PGM5: variants seen among roughly 807,000 people sequenced by gnomAD.
PGM5 encodes phosphoglucomutase-like protein 5.
PGM5 carries 23 observed loss-of-function variants against 59.2 expected under a neutral mutation model. That is an observed-to-expected ratio of 0.39 (90% confidence interval 0.28 to 0.55). The LOEUF (loss-of-function observed/expected upper bound fraction) is 0.55, where lower values mean the gene tolerates loss of function less well. PGM5 is among the 20% of genes least tolerant of loss of function. The pLI, the probability that PGM5 is intolerant of heterozygous loss-of-function variation, is 0.66. For synonymous variants in PGM5, 214 were observed against 286.0 expected, an observed-to-expected ratio of 0.75 and a Z score of 2.54; for missense variants, 574 against 748.3, an observed-to-expected ratio of 0.77 and a Z score of 2.72.
chr9:68,482,814 G>A (rs1824219440), intron 8 of PGM5, among the ~76,000 whole-genome samples: 1 of 152,218 alleles, frequency 6.6e-6, no homozygotes, highest in Admixed American at 6.5e-5. Context: ...CTGTTTTTAA[G>A]CACAAGTGCC....
rs547818906 is a variant in PGM5, at chr9:68,394,791, A to G, written c.1043+2318A>G. On this transcript the variant is annotated intron_variant, in intron 6 of 10. Coordinates refer to ENST00000396396, the MANE Select transcript of PGM5 (RefSeq NM_021965.4). ...GCGCCATCATACCCAGTTAATTTTA[A>G]AAACATTTTTTGTAGAAATGAGATC... is the stretch of plus-strand genomic sequence containing the variant. 3.2e-4 allele frequency among the ~76,000 whole-genome samples: 49 copies of G among 151,876 alleles called. 1 individual carries two copies. Among genetic ancestry groups the G allele is most frequent in the African/African-American group, 1.1e-3 (46 of 41,426 alleles).
At chr9:68,527,381 T>C (rs1824999989) in intron 10 of PGM5, among the ~76,000 whole-genome samples, 3 of 152,238 alleles carry the variant, frequency 2.0e-5, no homozygotes. Flanking sequence ...CTTCACTCTC[T>C]TTTTCTGTCT....
chr9:68,522,688 CAA>C (rs1237151893), intron 10 of PGM5, among the ~76,000 whole-genome samples: 1 of 152,130 alleles, frequency 6.6e-6, no homozygotes, highest in African/African-American at 2.4e-5. Flanking sequence ...TTTTAATACG[CAA>C]AGAGACCAAA....
chr9:68,370,285 T>C (rs1821659406), intron 1 of PGM5, among the ~76,000 whole-genome samples: 1 of 151,990 alleles, frequency 6.6e-6, no homozygotes, highest in African/African-American at 2.4e-5. Context: ...TCTTTTTTTT[T>C]CTTAAATGAC....
At chr9:68,412,418 A>C (rs1245803940) in intron 6 of PGM5, among the ~76,000 whole-genome samples, 10 of 152,222 alleles carry the variant, frequency 6.6e-5, no homozygotes, top group Admixed American at 6.5e-4. Context: ...TCTTATTCTG[A>C]TAAATATCAC....
At chr9:68,375,616 T>C (rs1305034841) in intron 1 of PGM5, among the ~76,000 whole-genome samples, 1 of 152,244 alleles carries the variant, frequency 6.6e-6, no homozygotes, top group Non-Finnish European at 1.5e-5. Context: ...GCTTACCACA[T>C]GCCAGATTTA....
chr9:68,465,307 A>T (rs1421139563), intron 7 of PGM5, 99 bp downstream of exon 7: 1 of 783,958 alleles, frequency 1.3e-6, no homozygotes, highest in African/African-American at 1.7e-5. Context: ...ACAGAGGAAC[A>T]GTTAAGTAGA....
intron 10 of PGM5, among the ~76,000 whole-genome samples, chr9:68,511,106 G>C (rs987294298): frequency 5.9e-5 from 9 of 152,222 alleles, no homozygotes. Flanking sequence ...TCTAGCAAGG[G>C]AAGGGGATTC....
At chr9:68,516,546 C>T (rs556781742) in intron 10 of PGM5, among the ~76,000 whole-genome samples, 1 of 152,340 alleles carries the variant, frequency 6.6e-6, no homozygotes, top group African/African-American at 2.4e-5. Context: ...CCCGGAGAAG[C>T]AGCATCACCA....
chr9:68,391,273 A>G (rs573314679), intron 4 of PGM5, among the ~76,000 whole-genome samples: 133 of 152,232 alleles, frequency 8.7e-4, no homozygotes, highest in African/African-American at 3.0e-3. Flanking sequence ...GCAACCTTTT[A>G]GAAAAATTTC....
chr9:68,389,631 T>C (rs1335877869), intron 4 of PGM5, among the ~76,000 whole-genome samples: 10 of 152,146 alleles, frequency 6.6e-5, no homozygotes, highest in African/African-American at 2.2e-4. Context: ...TACCACAATT[T>C]GTTTATCCAT....
intron 6 of PGM5, among the ~76,000 whole-genome samples, chr9:68,436,610 GCTTGGCCT>G (rs1823445937): frequency 6.6e-6 from 1 of 152,156 alleles, no homozygotes; most frequent in Non-Finnish European, 1.5e-5. Flanking sequence ...GTCTTTGAAG[GCTTGGCCT>G]CATGATTGAA....
intron 1 of PGM5, among the ~76,000 whole-genome samples, chr9:68,370,794 T>C (rs1821681021): frequency 6.6e-6 from 1 of 152,146 alleles, no homozygotes; most frequent in Non-Finnish European, 1.5e-5. Flanking sequence ...ATTGGTGCCA[T>C]TAGAAGGACG....
At chr9:68,526,034 C>A (rs1824967845) in intron 10 of PGM5, among the ~76,000 whole-genome samples, 1 of 149,306 alleles carries the variant, frequency 6.7e-6, no homozygotes, top group Non-Finnish European at 1.5e-5. Flanking sequence ...CCAGCCTGGG[C>A]GACAGAGTGA....
At chr9:68,382,051 C>T (rs1399648392) in intron 2 of PGM5, among the ~76,000 whole-genome samples, 4 of 151,166 alleles carry the variant, frequency 2.6e-5, no homozygotes, top group African/African-American at 9.7e-5. Flanking sequence ...TTGTTTGGAG[C>T]CCCCAAAAAC....
At chr9:68,502,116 T>C (rs1160295500) in intron 10 of PGM5, among the ~76,000 whole-genome samples, 1 of 152,204 alleles carries the variant, frequency 6.6e-6, no homozygotes, top group Non-Finnish European at 1.5e-5. Flanking sequence ...AAGGAGAGGA[T>C]GGGCCGGGGA....
intron 6 of PGM5, among the ~76,000 whole-genome samples, chr9:68,404,760 T>C (rs1822759098): frequency 6.6e-6 from 1 of 152,302 alleles, no homozygotes; most frequent in South Asian, 2.1e-4. Flanking sequence ...TGTAAGTTGA[T>C]GCCTGTATTT....
chr9:68,383,066 G>C (rs545975306), intron 2 of PGM5, among the ~76,000 whole-genome samples: 1 of 151,816 alleles, frequency 6.6e-6, no homozygotes, highest in South Asian at 2.1e-4. Context: ...TGAAGAAAAG[G>C]GCTATGTTTA....
chr9:68,419,689 C>T (rs1823095838), intron 6 of PGM5, among the ~76,000 whole-genome samples: 1 of 152,096 alleles, frequency 6.6e-6, no homozygotes, highest in African/African-American at 2.4e-5. Flanking sequence ...ATTTAAATGC[C>T]CCCAGTCTGG....
Sources: gnomAD v4.1 joint callset for allele counts (sites outside exome capture counted in the v4.1 genomes callset) on GRCh38, gnomAD v4.1.1 for gene constraint, MANE v1.5 for transcripts, NCBI Gene and HGNC (gene_info 2026-07-23, HGNC 2026-07-21) for gene names.